The following ACSL1 variants were observed in gnomAD, a reference collection of about 807,000 sequenced individuals.
The protein encoded by ACSL1 is long-chain-fatty-acid--CoA ligase 1.
ACSL1 carries 41 observed loss-of-function variants against 98.4 expected under a neutral mutation model. The observed-to-expected ratio is 0.42, with a 90% confidence interval of 0.32 to 0.54. The LOEUF is 0.54. ACSL1 is among the 20% of genes least tolerant of loss of function. The probability of loss-of-function intolerance (pLI) is 0.13; values close to 1 mark genes in which losing one functional copy is unlikely to be tolerated. For missense variants in ACSL1, 734 were observed against 883.1 expected, an observed-to-expected ratio of 0.83 and a Z score of 2.14; for synonymous variants, 316 against 322.7, an observed-to-expected ratio of 0.98 and a Z score of 0.22.
At chr4:184,768,163 A>G (rs1763909030) in intron 12 of ACSL1, 153 bp downstream of exon 12, 2 of 776,582 alleles carry the variant, frequency 2.6e-6, no homozygotes, top group Admixed American at 7.6e-5. Context: ...AGGTAAACGC[A>G]TTCTAACTTT....
chr4:184,819,140 CTTTTTTTTTT>C (rs10538881), intron 1 of ACSL1, among the ~76,000 whole-genome samples: 3,793 of 129,836 alleles, frequency 0.029, 192 homozygotes, highest in African/African-American at 0.1. Flanking sequence ...TTTAGATGTA[CTTTTTTTTTT>C]TTTTTTTTTG....
intron 1 of ACSL1, among the ~76,000 whole-genome samples, chr4:184,806,535 A>G (rs1771443585): frequency 6.6e-6 from 1 of 152,246 alleles, no homozygotes; most frequent in South Asian, 2.1e-4. Flanking sequence ...CAACAGGATC[A>G]CATCCCTGAG....
At chr4:184,789,434 T>C (rs1480518286) in intron 2 of ACSL1, among the ~76,000 whole-genome samples, 2 of 152,254 alleles carry the variant, frequency 1.3e-5, no homozygotes, top group Non-Finnish European at 2.9e-5. Context: ...TATATTCTTT[T>C]TGAGACTATT....
At chr4:184,778,054 G>C (rs754366877) in intron 5 of ACSL1, among the ~76,000 whole-genome samples, 5 of 152,182 alleles carry the variant, frequency 3.3e-5, no homozygotes, top group Non-Finnish European at 7.3e-5. Flanking sequence ...CTAGAAAAGT[G>C]CAGGAAAGAA....
chr4:184,771,853 G>C (rs528972078), intron 10 of ACSL1, among the ~76,000 whole-genome samples: 6 of 152,294 alleles, frequency 3.9e-5, no homozygotes, highest in Non-Finnish European at 8.8e-5. Flanking sequence ...AGAAGCACTG[G>C]ATGTGGGCTG....
At chr4:184,777,079 T>A in intron 5 of ACSL1, 96 bp from the exon 6 acceptor site, 3 of 1,113,478 alleles carry the variant, frequency 2.7e-6, no homozygotes, top group Non-Finnish European at 4.0e-6. Flanking sequence ...GTGAAAACAT[T>A]TGACGCAGCA....
At chr4:184,819,413 G>T (rs1348686383) in intron 1 of ACSL1, among the ~76,000 whole-genome samples, 1 of 152,076 alleles carries the variant, frequency 6.6e-6, no homozygotes, top group East Asian at 1.9e-4. Flanking sequence ...AAAGTGCTGA[G>T]ATTACAGGCG....
intron 2 of ACSL1, among the ~76,000 whole-genome samples, chr4:184,792,354 A>G (rs1768532239): frequency 1.3e-5 from 2 of 152,222 alleles, no homozygotes; most frequent in African/African-American, 4.8e-5. Context: ...AGGGGGTTGA[A>G]TAAGAAGGGG....
At position 184,776,901 on chromosome 4, in the gene ACSL1, G is replaced by A. The variant is rs199729148; in HGVS notation, c.560C>T (p.Thr187Met). ...LYDTLGNEAI[T>M]YIVNKAELSL... Reference sequence around the variant, plus strand: ...AGACGTACCTTTGTTGACTATGTACGTGATGGCTTCATTTCCAAGGGTATC... The same window carrying A: ...AGACGTACCTTTGTTGACTATGTACATGATGGCTTCATTTCCAAGGGTATC... The change falls in exon 6 of 21, where the codon ACG (threonine) becomes ATG (methionine). Residue 187 changes from threonine to methionine, a missense_variant. Coordinates refer to ENST00000281455, the MANE Select transcript of ACSL1 (RefSeq NM_001995.5). 75 of 1,614,144 alleles carry A rather than the reference G, an allele frequency of 4.6e-5. No homozygotes were observed. In the Admixed American group the frequency reaches 1.0e-3, roughly 22 times the overall value.
intron 1 of ACSL1, among the ~76,000 whole-genome samples, chr4:184,811,270 G>T (rs564447098): frequency 6.6e-6 from 1 of 150,844 alleles, no homozygotes; most frequent in Non-Finnish European, 1.5e-5. Flanking sequence ...CACCACGCCT[G>T]GCTAATTTTT....
chr4:184,756,301 T>C lies in ACSL1; in HGVS notation c.*824A>G, dbSNP rs913809083. 3 of 152,648 alleles carry C rather than the reference T, an allele frequency of 2.0e-5. No individual in the cohort carries two copies. Among genetic ancestry groups the C allele is most frequent in the Admixed American group, 6.5e-5 (1 of 15,280 alleles). The allele number at this position is 152,648 out of a possible 1,614,324, so 9.5% of individuals were successfully genotyped here. A position where few individuals can be genotyped will look rare whatever the true frequency, so the allele number is the denominator to read the frequency against. ...TGAGCATGGCTGATCCAGGTAACTC[T>C]TTCTTGAAATGCTTGTCTTCACTAT... is the stretch of plus-strand genomic sequence containing the variant. On this transcript the variant is annotated 3_prime_UTR_variant, in exon 21 of 21. Transcript: ENST00000281455.
chr4:184,785,622 A>G (rs186794506), intron 3 of ACSL1, among the ~76,000 whole-genome samples: 1,284 of 25,714 alleles, frequency 0.05, 61 homozygotes, highest in Middle Eastern at 0.28. Flanking sequence ...GGGGGGGGGG[A>G]AGGAAGCAAA....
chr4:184,788,445 A>G (rs1204100762), intron 3 of ACSL1, 172 bp downstream of exon 3: 4 of 690,274 alleles, frequency 5.8e-6, no homozygotes, highest in African/African-American at 5.3e-5. Context: ...GGGAACATCT[A>G]GAGGGTCCAG....
chr4:184,818,410 C>T (rs769531471), intron 1 of ACSL1, among the ~76,000 whole-genome samples: 90 of 152,166 alleles, frequency 5.9e-4, no homozygotes, highest in Non-Finnish European at 1.2e-3. Context: ...AGATGTACTC[C>T]GAAACACAAA....
chr4:184,783,704 T>A (rs1379863120), intron 4 of ACSL1, among the ~76,000 whole-genome samples: 5 of 152,262 alleles, frequency 3.3e-5, no homozygotes, highest in Non-Finnish European at 7.3e-5. Flanking sequence ...TGTATCCACA[T>A]CAGCTTTGAA....
At chr4:184,781,156 A>G (rs562618301) in intron 4 of ACSL1, among the ~76,000 whole-genome samples, 118 of 143,536 alleles carry the variant, frequency 8.2e-4, no homozygotes, top group African/African-American at 2.9e-3. Flanking sequence ...GCTTGAACCC[A>G]GGAGGCGGAG....
chr4:184,804,762 CAT>C (rs775713629), intron 1 of ACSL1, among the ~76,000 whole-genome samples: 4 of 152,058 alleles, frequency 2.6e-5, no homozygotes, highest in Non-Finnish European at 5.9e-5. Context: ...AAATGACTCA[CAT>C]AAAGAGGTAA....
In ACSL1 at chr4:184,799,857, T is replaced by C. The variant is rs539165271; in HGVS notation, c.195+3463A>G. Among the ~76,000 whole-genome samples, 3 of 152,092 alleles carry C rather than the reference T, an allele frequency of 2.0e-5. No homozygotes were observed. In the South Asian group the frequency reaches 6.2e-4, roughly 32 times the overall value. The stretch of plus-strand genomic sequence containing the variant: ...GAGCGAGACCCTGTCTCTAAATAAA[T>C]AAACAAACAAACAAGCCTGCTCCTG... On this transcript the variant is annotated intron_variant, in intron 2 of 20. Transcript: ENST00000281455.
chr4:184,822,086 G>A (rs771260743), intron 1 of ACSL1, among the ~76,000 whole-genome samples: 9 of 152,114 alleles, frequency 5.9e-5, no homozygotes, highest in African/African-American at 2.4e-5. Context: ...TTGAAGACCA[G>A]CAAATAATTC....
Sources: allele counts gnomAD v4.1 joint callset (sites outside exome capture counted in the v4.1 genomes callset), GRCh38; gene constraint gnomAD v4.1.1; transcripts MANE v1.5; gene names NCBI Gene and HGNC (gene_info 2026-07-23, HGNC 2026-07-21).